SLC37A3: variants seen among roughly 807,000 people sequenced by gnomAD.
The protein encoded by SLC37A3 is sugar phosphate exchanger 3.
SLC37A3 carries 51 observed loss-of-function variants against 67.1 expected under a neutral mutation model. The observed-to-expected ratio is 0.76, with a 90% CI of 0.61 to 0.96. The LOEUF (loss-of-function observed/expected upper bound fraction) is 0.96, where lower values mean the gene tolerates loss of function less well. Among genes scored for constraint, SLC37A3 ranks in the 40% least tolerant of loss-of-function variants. SLC37A3 has a pLI of 0.00. For synonymous variants in SLC37A3, 214 were observed against 231.4 expected, an observed-to-expected ratio of 0.92 and a Z score of 0.68; for missense variants, 508 against 603.0, an observed-to-expected ratio of 0.84 and a Z score of 1.65.
intron 8 of SLC37A3, 68 bp from the exon 9 acceptor site, chr7:140,351,519 C>G: frequency 6.9e-7 from 1 of 1,452,982 alleles, no homozygotes. Flanking sequence ...GCATACATCC[C>G]TACTTATGAG....
At chr7:140,361,202 G>A (rs1238180459) in intron 5 of SLC37A3, among the ~76,000 whole-genome samples, 1 of 77,020 alleles carries the variant, frequency 1.3e-5, no homozygotes, top group Non-Finnish European at 3.7e-5. Context: ...GCAGGATAGG[G>A]CCAGGTGCGG....
chr7:140,342,099 C>T (rs1796382270), intron 13 of SLC37A3, among the ~76,000 whole-genome samples: 1 of 152,126 alleles, frequency 6.6e-6, no homozygotes, highest in Admixed American at 6.5e-5. Flanking sequence ...GAAGAACATA[C>T]AACAAAATGC....
intron 13 of SLC37A3, 67 bp downstream of exon 13, chr7:140,343,345 G>A (rs1796431638): frequency 5.0e-6 from 8 of 1,604,778 alleles, no homozygotes; most frequent in South Asian, 1.1e-5. Flanking sequence ...GGCCCAGAGG[G>A]CAGGTTCACA....
At chr7:140,369,171 G>A (rs1210389014) in intron 4 of SLC37A3, among the ~76,000 whole-genome samples, 3 of 152,244 alleles carry the variant, frequency 2.0e-5, no homozygotes, top group Non-Finnish European at 4.4e-5. Flanking sequence ...TCAAATGCCC[G>A]CTGCCTCCTG....
chr7:140,346,767 G>A lies in SLC37A3; in HGVS notation c.1025-797C>T, dbSNP rs375609667. On this transcript the variant is annotated intron_variant, in intron 10 of 14. Transcript: ENST00000326232. ...AAATTAGCCGGGCATGGTAGCACGT[G>A]CCTATATTCCCAGCTACTTGGGAGG... Among the ~76,000 whole-genome samples, 4 of 152,056 alleles carry A rather than the reference G, an allele frequency of 2.6e-5. No individual in the cohort carries two copies. In the East Asian group the frequency reaches 5.9e-4, roughly 22 times the overall value.
intron 3 of SLC37A3, among the ~76,000 whole-genome samples, chr7:140,371,760 T>C (rs1226164749): frequency 6.6e-6 from 1 of 151,890 alleles, no homozygotes; most frequent in Non-Finnish European, 1.5e-5. Context: ...TACAAATTTA[T>C]GCTGAAAAAA....
intron 3 of SLC37A3, among the ~76,000 whole-genome samples, chr7:140,375,977 T>C (rs1421853023): frequency 6.6e-6 from 1 of 152,214 alleles, no homozygotes; most frequent in African/African-American, 2.4e-5. Context: ...ACCAGACTCA[T>C]CAGGACCCAT....
At chr7:140,395,528 C>T (rs1051192239) in intron 1 of SLC37A3, among the ~76,000 whole-genome samples, 8 of 149,018 alleles carry the variant, frequency 5.4e-5, no homozygotes, top group Admixed American at 1.3e-4. Flanking sequence ...GCGAATATGG[C>T]GAAACCCTGT....
chr7:140,344,377 G>A (rs1178202601), intron 12 of SLC37A3, among the ~76,000 whole-genome samples: 1 of 152,190 alleles, frequency 6.6e-6, no homozygotes, highest in Admixed American at 6.5e-5. Flanking sequence ...GCAGTTAGCT[G>A]AGATCGCACC....
intron 2 of SLC37A3, among the ~76,000 whole-genome samples, chr7:140,381,517 C>A (rs1057158085): frequency 1.3e-5 from 2 of 149,764 alleles, no homozygotes; most frequent in African/African-American, 2.5e-5. Flanking sequence ...AGGGTGAGAT[C>A]CCATCTCAAA....
intron 1 of SLC37A3, among the ~76,000 whole-genome samples, chr7:140,385,932 G>A (rs1798431547): frequency 1.3e-5 from 2 of 151,986 alleles, no homozygotes; most frequent in South Asian, 2.1e-4. Flanking sequence ...GCAGGCGCCC[G>A]CCATCATGCC....
chr7:140,392,654 G>T (rs927006534), intron 1 of SLC37A3, among the ~76,000 whole-genome samples: 1 of 152,190 alleles, frequency 6.6e-6, no homozygotes, highest in Non-Finnish European at 1.5e-5. Context: ...TAAATAGGAC[G>T]CTTAGGGCTG....
chr7:140,396,108 T>C (rs1023329010), intron 1 of SLC37A3, among the ~76,000 whole-genome samples: 34 of 152,104 alleles, frequency 2.2e-4, no homozygotes, highest in African/African-American at 7.0e-4. Context: ...CTCAATCTCC[T>C]TCCTAGGTTT....
intron 3 of SLC37A3, among the ~76,000 whole-genome samples, chr7:140,370,957 C>G (rs1000737436): frequency 6.6e-6 from 1 of 152,086 alleles, no homozygotes; most frequent in African/African-American, 2.4e-5. Context: ...CTGGAGTAAA[C>G]TGAAGAAGCT....
chr7:140,394,077 G>A (rs1326219333), intron 1 of SLC37A3, among the ~76,000 whole-genome samples: 1 of 152,086 alleles, frequency 6.6e-6, no homozygotes, highest in African/African-American at 2.4e-5. Context: ...AGGTGGAGGC[G>A]GGAGGATCGC....
chr7:140,345,805 CA>C, intron 11 of SLC37A3, 63 bp downstream of exon 11: 2 of 1,326,510 alleles, frequency 1.5e-6, no homozygotes, highest in Non-Finnish European at 1.1e-6. Flanking sequence ...TGACTCCAAA[CA>C]AATGCCTTAT....
In SLC37A3 at chr7:140,335,138, G is replaced by T. The variant is rs957998098; in HGVS notation, c.*274C>A. ...CCTCAATAGGCCAAACAAAGACGCG[G>T]GCAGAGTCAGAGGTCAAAGATGCTG... is the stretch of plus-strand genomic sequence containing the variant. On this transcript the variant is annotated 3_prime_UTR_variant, in exon 15 of 15. Transcript: ENST00000326232. 1 of 1,287,478 alleles carries T rather than the reference G, an allele frequency of 7.8e-7. No homozygotes were observed. Among genetic ancestry groups the T allele is most frequent in the Non-Finnish European group, 1.1e-6 (1 of 937,748 alleles). The allele number at this position is 1,287,478 out of a possible 1,614,324, so 79.8% of individuals were successfully genotyped here. A position where few individuals can be genotyped will look rare whatever the true frequency, so the allele number is the denominator to read the frequency against.
chr7:140,343,985 C>T (rs1316328638), intron 12 of SLC37A3: 8 of 224,616 alleles, frequency 3.6e-5, no homozygotes, highest in Admixed American at 3.3e-4. Context: ...GAGCAGGTGA[C>T]TCTATCTGCC....
At chr7:140,353,659 A>G (rs12703778) in intron 7 of SLC37A3, among the ~76,000 whole-genome samples, 63,198 of 151,744 alleles carry the variant, frequency 0.42, 13,457 homozygotes, top group Non-Finnish European at 0.46. Context: ...TCTTACATAA[A>G]TGGCATTCAA....
Sources: allele counts gnomAD v4.1 joint callset (sites outside exome capture counted in the v4.1 genomes callset), GRCh38; gene constraint gnomAD v4.1.1; transcripts MANE v1.5; gene names NCBI Gene and HGNC (gene_info 2026-07-23, HGNC 2026-07-21).